The following KIAA1217 variants were observed in gnomAD, a reference collection of about 807,000 sequenced individuals.
KIAA1217 encodes KIAA1217.
Under a neutral mutation model 163.9 loss-of-function variants are expected in KIAA1217, and 88 were observed. The ratio of observed to expected loss-of-function variants is 0.54; its 90% CI spans 0.45 to 0.64. The LOEUF (loss-of-function observed/expected upper bound fraction) is 0.64. Ranked by LOEUF, KIAA1217 falls within the 30% of genes least tolerant of loss-of-function variation. KIAA1217 has a pLI of 0.00. For missense variants in KIAA1217, 2,372 were observed against 2,475.0 expected (o/e 0.96, Z 0.88); for synonymous variants, 903 against 923.1 (o/e 0.98, Z 0.39).
At chr10:23,811,559 A>T (rs1275998057) in intron 1 of KIAA1217, among the ~76,000 whole-genome samples, 1 of 152,076 alleles carries the variant, frequency 6.6e-6, no homozygotes, top group East Asian at 1.9e-4. Context: ...TGCAATTTTA[A>T]AAAAGGGAGG....
At chr10:24,224,900 T>C (rs369691939) in intron 2 of KIAA1217, among the ~76,000 whole-genome samples, 2,291 of 149,240 alleles carry the variant, frequency 0.015, 25 homozygotes, top group Non-Finnish European at 0.025. Flanking sequence ...AGTCTCGGCT[T>C]ACTGCAAGCT....
intron 6 of KIAA1217, among the ~76,000 whole-genome samples, chr10:24,488,431 C>T (rs768897004): frequency 6.6e-6 from 1 of 152,124 alleles, no homozygotes; most frequent in African/African-American, 2.4e-5. Context: ...GGAGACAGAA[C>T]GTAGCCAGTC....
intron 2 of KIAA1217, among the ~76,000 whole-genome samples, chr10:24,352,500 A>G (rs1032882592): frequency 6.6e-6 from 1 of 151,922 alleles, no homozygotes; most frequent in Admixed American, 6.6e-5. Flanking sequence ...TAAAAAGTAT[A>G]ATCTTTTTTT....
intron 2 of KIAA1217, among the ~76,000 whole-genome samples, chr10:24,266,632 C>T (rs760184174): frequency 1.3e-5 from 2 of 151,904 alleles, no homozygotes; most frequent in Non-Finnish European, 2.9e-5. Flanking sequence ...AATTAGTGCT[C>T]TGTAAAACAC....
chr10:24,459,082 G>A (rs1334314822), intron 5 of KIAA1217, among the ~76,000 whole-genome samples: 1 of 152,058 alleles, frequency 6.6e-6, no homozygotes, highest in Non-Finnish European at 1.5e-5. Flanking sequence ...AACTCTCCAG[G>A]TGATTCTGAA....
intron 17 of KIAA1217, among the ~76,000 whole-genome samples, chr10:24,541,134 G>A (rs967162616): frequency 2.7e-5 from 4 of 149,460 alleles, no homozygotes; most frequent in East Asian, 4.0e-4. Flanking sequence ...GGCTGTTCTC[G>A]AACTCCTAGA....
At position 24,455,009 on chromosome 10, in the gene KIAA1217, C is replaced by T. The variant is rs990680446; in HGVS notation, c.846+16530C>T. ...CTATTAGCTTGCAATCTGAGAGAACCTCTGCATTTTCATGAAAATGAGAAA... is the reference window on the plus strand; with the variant it reads ...CTATTAGCTTGCAATCTGAGAGAACTTCTGCATTTTCATGAAAATGAGAAA... On this transcript the variant is annotated intron_variant, in intron 5 of 20. Transcript: ENST00000376454. Among the ~76,000 whole-genome samples, 8 of 151,784 alleles carry T rather than the reference C, an allele frequency of 5.3e-5. 1 individual carries two copies. The highest frequency in any genetic ancestry group is 2.0e-4 in the Admixed American group (3 of 15,256).
chr10:24,007,401 T>G (rs1847049902), intron 2 of KIAA1217: 1 of 152,186 alleles, frequency 6.6e-6, no homozygotes, highest in Admixed American at 6.6e-5. Context: ...TATTAAATCA[T>G]AAAATGAGCA....
At chr10:23,995,718 G>A (rs1227013413) in intron 1 of KIAA1217, among the ~76,000 whole-genome samples, 1 of 152,140 alleles carries the variant, frequency 6.6e-6, no homozygotes, top group Non-Finnish European at 1.5e-5. Flanking sequence ...GATTGAAACA[G>A]CAATAAAATA....
At chr10:24,423,896 C>A (rs887836134) in intron 3 of KIAA1217, among the ~76,000 whole-genome samples, 2 of 152,134 alleles carry the variant, frequency 1.3e-5, no homozygotes, top group Non-Finnish European at 2.9e-5. Context: ...TTTCTCAGTC[C>A]TTCATAAAGA....
intron 1 of KIAA1217, among the ~76,000 whole-genome samples, chr10:23,889,711 G>A (rs1035622539): frequency 8.1e-6 from 1 of 123,826 alleles, no homozygotes; most frequent in Non-Finnish European, 1.7e-5. Context: ...TTTATGGCTA[G>A]TGTTTTCATT....
chr10:23,927,325 GGTGTGTGTGTGTGTGT>G (rs57321785), intron 1 of KIAA1217, among the ~76,000 whole-genome samples: 4 of 143,000 alleles, frequency 2.8e-5, no homozygotes, highest in Non-Finnish European at 4.6e-5. Flanking sequence ...CAAGTCATAG[GGTGTGTGTGTGTGTGT>G]GTGTGTGTGT....
intron 10 of KIAA1217, among the ~76,000 whole-genome samples, chr10:24,517,186 A>C (rs867383789): frequency 8.5e-5 from 12 of 141,426 alleles, no homozygotes; most frequent in Admixed American, 2.8e-4. Flanking sequence ...AAAAAAAAAA[A>C]AACTAAAAAT....
intron 1 of KIAA1217, among the ~76,000 whole-genome samples, chr10:23,826,227 T>G (rs984594152): frequency 3.3e-5 from 5 of 152,218 alleles, no homozygotes; most frequent in Non-Finnish European, 5.9e-5. Context: ...GATTATTTTC[T>G]AAAGCAATAA....
chr10:24,410,497 G>A (rs1316852534), intron 3 of KIAA1217, among the ~76,000 whole-genome samples: 1 of 152,144 alleles, frequency 6.6e-6, no homozygotes, highest in Non-Finnish European at 1.5e-5. Flanking sequence ...TTACCAGGTG[G>A]GTAATGAGGC....
chr10:24,383,149 A>C (rs1050780909), intron 3 of KIAA1217, among the ~76,000 whole-genome samples: 12 of 152,174 alleles, frequency 7.9e-5, no homozygotes, highest in Admixed American at 5.9e-4. Flanking sequence ...GTCTGGCCTG[A>C]AACTTGTGCT....
intron 1 of KIAA1217, among the ~76,000 whole-genome samples, chr10:23,921,094 G>T (rs1377768725): frequency 6.6e-6 from 1 of 152,088 alleles, no homozygotes; most frequent in Admixed American, 6.5e-5. Flanking sequence ...TTTCTTCATT[G>T]CAGTGTGAAA....
chr10:23,998,820 T>A (rs1217524875), intron 1 of KIAA1217, among the ~76,000 whole-genome samples: 1 of 152,202 alleles, frequency 6.6e-6, no homozygotes, highest in Non-Finnish European at 1.5e-5. Flanking sequence ...ACAAGCATGG[T>A]TCGTATTGAG....
At chr10:24,053,461 A>G (rs1849662268) in intron 2 of KIAA1217, among the ~76,000 whole-genome samples, 1 of 152,160 alleles carries the variant, frequency 6.6e-6, no homozygotes, top group Non-Finnish European at 1.5e-5. Flanking sequence ...CATTTTTAAC[A>G]TACTCATTAG....
Sources: allele counts gnomAD v4.1 joint callset (sites outside exome capture counted in the v4.1 genomes callset), GRCh38; gene constraint gnomAD v4.1.1; transcripts MANE v1.5; gene names NCBI Gene and HGNC (gene_info 2026-07-23, HGNC 2026-07-21).